Variants in STK33 observed in about 807,000 individuals in gnomAD.
STK33 encodes serine/threonine kinase 33.
STK33 carries 52 observed loss-of-function variants against 58.0 expected under a neutral mutation model. The observed-to-expected ratio is 0.90, with a 90% CI of 0.72 to 1.13. The LOEUF is 1.13. Ranked by LOEUF, STK33 falls within the 50% of genes most tolerant of loss-of-function variation. The probability of loss-of-function intolerance (pLI) is 0.00; values close to 1 mark genes in which losing one functional copy is unlikely to be tolerated. For synonymous variants in STK33, 215 were observed against 200.1 expected, an observed-to-expected ratio of 1.07 and a Z score of -0.63; for missense variants, 630 against 604.2, an observed-to-expected ratio of 1.04 and a Z score of -0.45.
intron 1 of STK33, among the ~76,000 whole-genome samples, chr11:8,592,215 G>A (rs1434009816): frequency 6.6e-6 from 1 of 152,104 alleles, no homozygotes; most frequent in African/African-American, 2.4e-5. Flanking sequence ...CAGGCTCCAG[G>A]GATAACTTAT....
chr11:8,366,982 G>A, the STK33 span, among the ~76,000 whole-genome samples: 10 of 152,214 alleles, frequency 6.6e-5, no homozygotes, highest in Non-Finnish European at 2.9e-5. Flanking sequence ...ACACACATGT[G>A]TGCAAGTGTA....
intron 14 of STK33, among the ~76,000 whole-genome samples, chr11:8,415,907 A>C (rs1275198703): frequency 6.6e-6 from 1 of 152,164 alleles, no homozygotes; most frequent in African/African-American, 2.4e-5. Flanking sequence ...TTTAAATTTC[A>C]GTCAACATGG....
intron 11 of STK33, 27 bp from the exon 12 acceptor site, chr11:8,440,780 CATT>C (rs1564974286): frequency 1.3e-6 from 2 of 1,539,736 alleles, no homozygotes; most frequent in Non-Finnish European, 1.8e-6. Flanking sequence ...TATAAAATAA[CATT>C]AATAATACAA....
intron 1 of STK33, among the ~76,000 whole-genome samples, chr11:8,589,190 G>A (rs1472961784): frequency 6.6e-6 from 1 of 151,968 alleles, no homozygotes; most frequent in Non-Finnish European, 1.5e-5. Context: ...GATAATATAT[G>A]TTCACACAAA....
At chr11:8,495,867 A>G (rs971459338) in intron 1 of STK33, among the ~76,000 whole-genome samples, 1 of 148,480 alleles carries the variant, frequency 6.7e-6, no homozygotes, top group African/African-American at 2.5e-5. Flanking sequence ...CAAACACCAA[A>G]TGTTCTCACT....
chr11:8,339,671 C>T, the STK33 span, among the ~76,000 whole-genome samples: 2 of 148,610 alleles, frequency 1.3e-5, no homozygotes, highest in Non-Finnish European at 3.0e-5. Context: ...CCAGCCCAGA[C>T]GTTCTCTACA....
At chr11:8,438,958 C>T (rs557615248) in intron 12 of STK33, among the ~76,000 whole-genome samples, 2 of 152,266 alleles carry the variant, frequency 1.3e-5, no homozygotes, top group Middle Eastern at 6.8e-3. Flanking sequence ...CAGCTACAAT[C>T]ACATCATCCA....
At position 8,462,033 on chromosome 11, in the gene STK33, C is replaced by T. The variant is rs944043006; in HGVS notation, c.454-124G>A. 7 of 621,258 alleles carry T rather than the reference C, an allele frequency of 1.1e-5. No individual in the cohort carries two copies. In the Admixed American group the frequency reaches 1.2e-4, roughly 11 times the overall value. The allele number at this position is 621,258 out of a possible 1,614,324, so 38.5% of individuals were successfully genotyped here. A position where few individuals can be genotyped will look rare whatever the true frequency, so the allele number is the denominator to read the frequency against. ...ACTTCATATTTGAAGTGAATTCATA[C>T]ATTTTTTGAGATGTTTCTTTTTCAA... On this transcript the variant is annotated intron_variant, in intron 7 of 15. Coordinates refer to ENST00000687296, the MANE Select transcript of STK33 (RefSeq NM_001352389.2).
chr11:8,496,319 A>C (rs1471191650), intron 1 of STK33, among the ~76,000 whole-genome samples: 1 of 152,188 alleles, frequency 6.6e-6, no homozygotes, highest in Non-Finnish European at 1.5e-5. Context: ...ATTGTGTGCA[A>C]AAAATGAATT....
At chr11:8,467,803 G>C (rs1948364151) in intron 6 of STK33, 1 of 152,230 alleles carries the variant, frequency 6.6e-6, no homozygotes, top group Admixed American at 6.5e-5. Context: ...AAATTAGCTG[G>C]GTGTGGTGGC....
chr11:8,382,819 A>C, the STK33 span, among the ~76,000 whole-genome samples: 2 of 152,318 alleles, frequency 1.3e-5, no homozygotes, highest in South Asian at 4.2e-4. Context: ...CCGATACTTA[A>C]GGAAAATGAG....
At chr11:8,375,667 GT>G in the STK33 span, among the ~76,000 whole-genome samples, 3 of 152,080 alleles carry the variant, frequency 2.0e-5, no homozygotes, top group Non-Finnish European at 2.9e-5. Flanking sequence ...CATGGGGGTG[GT>G]TTCCCCCATG....
chr11:8,480,675 C>T (rs1949721493), intron 1 of STK33, 61 bp from the exon 2 acceptor site: 1 of 152,066 alleles, frequency 6.6e-6, no homozygotes, highest in African/African-American at 2.4e-5. Context: ...GAAATAATCC[C>T]GCCTTCCCCT....
chr11:8,377,288 A>G, the STK33 span, among the ~76,000 whole-genome samples: 1 of 152,264 alleles, frequency 6.6e-6, no homozygotes, highest in African/African-American at 2.4e-5. Flanking sequence ...ACCTTTGTCT[A>G]AAATAAATCC....
intron 11 of STK33, among the ~76,000 whole-genome samples, chr11:8,444,395 G>T (rs957004141): frequency 1.3e-5 from 2 of 151,854 alleles, no homozygotes; most frequent in African/African-American, 4.8e-5. Context: ...TAAAAATCTT[G>T]TTTAATGTTT....
intron 14 of STK33, among the ~76,000 whole-genome samples, chr11:8,426,444 G>A (rs1307130823): frequency 6.6e-6 from 1 of 152,186 alleles, no homozygotes; most frequent in Non-Finnish European, 1.5e-5. Context: ...CAACATTTAG[G>A]CAGGAAAACA....
intron 14 of STK33, among the ~76,000 whole-genome samples, chr11:8,415,659 T>C (rs1369771970): frequency 1.3e-5 from 2 of 152,116 alleles, no homozygotes; most frequent in African/African-American, 2.4e-5. Flanking sequence ...CTAGCTTACC[T>C]TGATATAGAT....
At chr11:8,372,411 G>A in the STK33 span, among the ~76,000 whole-genome samples, 3 of 152,188 alleles carry the variant, frequency 2.0e-5, no homozygotes, top group East Asian at 5.8e-4. Flanking sequence ...GTGGGAGAGG[G>A]GGTAGGGAAA....
chr11:8,529,044 C>T (rs540182496), intron 1 of STK33, among the ~76,000 whole-genome samples: 1 of 152,178 alleles, frequency 6.6e-6, no homozygotes, highest in East Asian at 1.9e-4. Flanking sequence ...GGCTATATGG[C>T]TTGCCCAAGG....
Sources: allele counts gnomAD v4.1 joint callset (sites outside exome capture counted in the v4.1 genomes callset), GRCh38; gene constraint gnomAD v4.1.1; transcripts MANE v1.5; gene names NCBI Gene and HGNC (gene_info 2026-07-23, HGNC 2026-07-21).